Variants in EPHA5 observed in about 807,000 individuals in gnomAD.
EPHA5 encodes EPH receptor A5.
A neutral mutation model predicts 105.0 loss-of-function variants in EPHA5; 60 were observed. That is an observed-to-expected ratio of 0.57 (90% CI 0.46 to 0.71). EPHA5 has a LOEUF of 0.71. Among genes scored for constraint, EPHA5 ranks in the 30% least tolerant of loss-of-function variants. The pLI is 0.00. For synonymous variants in EPHA5, 513 were observed against 449.1 expected, an observed-to-expected ratio of 1.14 and a Z score of -1.80; for missense variants, 1,218 against 1,274.7, an observed-to-expected ratio of 0.96 and a Z score of 0.68.
At chr4:65,540,413 C>A (rs933676654) in intron 3 of EPHA5, among the ~76,000 whole-genome samples, 1 of 151,240 alleles carries the variant, frequency 6.6e-6, no homozygotes, top group African/African-American at 2.4e-5. Flanking sequence ...CCTCTCTGAA[C>A]TATTATTCTC....
chr4:65,393,636 A>T (rs1023665756), intron 8 of EPHA5, among the ~76,000 whole-genome samples: 1 of 152,218 alleles, frequency 6.6e-6, no homozygotes, highest in East Asian at 1.9e-4. Flanking sequence ...TTCTTGAATT[A>T]TGTCTCAATT....
intron 5 of EPHA5, among the ~76,000 whole-genome samples, chr4:65,440,311 T>C (rs2149084021): frequency 6.6e-6 from 1 of 151,984 alleles, no homozygotes; most frequent in Non-Finnish European, 1.5e-5. Flanking sequence ...AATAAATATA[T>C]AAGTAATACA....
At chr4:65,585,374 A>G (rs964151842) in intron 3 of EPHA5, among the ~76,000 whole-genome samples, 3 of 151,852 alleles carry the variant, frequency 2.0e-5, no homozygotes, top group African/African-American at 7.2e-5. Flanking sequence ...AAAAAATCAG[A>G]AAACAACCAG....
intron 3 of EPHA5, among the ~76,000 whole-genome samples, chr4:65,498,479 T>C (rs773624823): frequency 2.3e-4 from 35 of 151,832 alleles, no homozygotes; most frequent in Admixed American, 1.6e-3. Context: ...AAAAGCAAGA[T>C]CAGAGGCAAA....
Position 65,361,494 on chromosome 4 carries a change from G to A in EPHA5, c.2173+3523C>T, listed in dbSNP as rs553500529. ...GAAAGCAGTGATTTGAGGGCAATGT[G>A]TATGGAGTGGACTAAAGTGGAAAGT... On this transcript the variant is annotated intron_variant, in intron 11 of 16. Transcript: ENST00000613740. 3.3e-5 allele frequency among the ~76,000 whole-genome samples: 5 copies of A among 151,746 alleles called. No individual in the cohort carries two copies. The East Asian group carries it at 9.7e-4, about 30-fold the overall frequency.
intron 4 of EPHA5, among the ~76,000 whole-genome samples, chr4:65,492,787 T>A (rs1249483753): frequency 1.3e-5 from 2 of 152,122 alleles, no homozygotes; most frequent in African/African-American, 4.8e-5. Context: ...TGATTTATAA[T>A]CCTTTGGGTA....
chr4:65,550,110 T>A (rs1024490210), intron 3 of EPHA5, among the ~76,000 whole-genome samples: 1 of 152,050 alleles, frequency 6.6e-6, no homozygotes, highest in Non-Finnish European at 1.5e-5. Context: ...AGATAATACA[T>A]TATTTGTTAA....
At chr4:65,456,317 C>A (rs1578155723) in intron 5 of EPHA5, among the ~76,000 whole-genome samples, 1 of 144,818 alleles carries the variant, frequency 6.9e-6, no homozygotes, top group South Asian at 2.2e-4. Flanking sequence ...TTACTCTGTT[C>A]TTCGATTTTT....
intron 15 of EPHA5, among the ~76,000 whole-genome samples, chr4:65,333,993 C>T (rs28431185): frequency 0.1 from 15,100 of 151,624 alleles, 969 homozygotes; most frequent in African/African-American, 0.17. Flanking sequence ...ATTGTACAGC[C>T]GACCACTTCT....
intron 13 of EPHA5, 116 bp from the exon 14 acceptor site, chr4:65,348,319 G>A: frequency 1.1e-6 from 1 of 943,662 alleles, no homozygotes; most frequent in Non-Finnish European, 1.6e-6. Context: ...GAATCTGTTT[G>A]ACAGCGCGCA....
chr4:65,583,057 T>A (rs1006096547), intron 3 of EPHA5, among the ~76,000 whole-genome samples: 1 of 151,688 alleles, frequency 6.6e-6, no homozygotes, highest in African/African-American at 2.4e-5. Context: ...TATGTATTCT[T>A]ACTTGCAAGT....
chr4:65,375,576 G>A (rs1190308726), intron 8 of EPHA5, among the ~76,000 whole-genome samples: 1 of 151,876 alleles, frequency 6.6e-6, no homozygotes, highest in African/African-American at 2.4e-5. Flanking sequence ...CAAAGCCATA[G>A]ACTCATAAAT....
chr4:65,652,222 A>T (rs146449841), intron 1 of EPHA5, among the ~76,000 whole-genome samples: 24 of 152,254 alleles, frequency 1.6e-4, no homozygotes, highest in African/African-American at 5.8e-4. Context: ...CACTACTGGA[A>T]ATAAATGTGC....
chr4:65,562,190 C>A (rs902106792), intron 3 of EPHA5, among the ~76,000 whole-genome samples: 1 of 152,012 alleles, frequency 6.6e-6, no homozygotes, highest in Non-Finnish European at 1.5e-5. Flanking sequence ...CATTTCTCAA[C>A]CGCAATCCAA....
At chr4:65,573,861 A>G (rs1011800486) in intron 3 of EPHA5, 24 of 1,612,908 alleles carry the variant, frequency 1.5e-5, no homozygotes, top group Non-Finnish European at 2.0e-5. Flanking sequence ...AAAACCCTTC[A>G]GTCAGCACGT....
intron 3 of EPHA5, among the ~76,000 whole-genome samples, chr4:65,527,142 T>C (rs189340261): frequency 6.6e-6 from 1 of 152,194 alleles, no homozygotes; most frequent in African/African-American, 2.4e-5. Context: ...CTGCCTAAAT[T>C]TTACCTTTCT....
At position 65,345,708 on chromosome 4, in the gene EPHA5, T is replaced by A. The variant is rs531041300; in HGVS notation, c.2595+2346A>T. Among the ~76,000 whole-genome samples, 325 of 152,370 alleles carry A rather than the reference T, an allele frequency of 2.1e-3. 6 individuals are homozygous for A. Among genetic ancestry groups the A allele is most frequent in the East Asian group, 9.6e-4 (5 of 5,186 alleles). ...ACTTGAGAACTAATGCCTAGGCAAT[T>A]TGTCTCACAGGAGGCATCAATATCC... On this transcript the variant is annotated intron_variant, in intron 14 of 16. Coordinates refer to ENST00000613740, the MANE Select transcript of EPHA5 (RefSeq NM_001281766.3).
chr4:65,428,686 T>C (rs1578096841), intron 5 of EPHA5, among the ~76,000 whole-genome samples: 1 of 152,100 alleles, frequency 6.6e-6, no homozygotes, highest in Non-Finnish European at 1.5e-5. Flanking sequence ...TTGGTTTTTT[T>C]CAAAGACTTG....
chr4:65,367,415 G>T lies in EPHA5; in HGVS notation c.1803C>A (p.Gly601=), dbSNP rs142432236. ...IGVLLSGRRC[G]YSKAKQDPEE... ...CTGGATCTTGTTTTGCTTTGCTGTA[G>T]CCACACCGCCTGGAACAAAGTAAGC... The change falls in exon 9 of 17, where the codon GGC becomes GGA. Residue 601 remains glycine, a synonymous_variant. Transcript: ENST00000613740. 18 of 1,611,788 alleles carry T rather than the reference G, an allele frequency of 1.1e-5. No homozygotes were observed. In the African/African-American group the frequency reaches 2.3e-4, roughly 20 times the overall value.
Sources: allele counts gnomAD v4.1 joint callset (sites outside exome capture counted in the v4.1 genomes callset), GRCh38; gene constraint gnomAD v4.1.1; transcripts MANE v1.5; gene names NCBI Gene and HGNC (gene_info 2026-07-23, HGNC 2026-07-21).